Variants in MED13 observed in about 807,000 individuals in gnomAD.
The protein encoded by MED13 is mediator of RNA polymerase II transcription subunit 13.
MED13 carries 23 observed loss-of-function variants against 225.2 expected under a neutral mutation model. The ratio of observed to expected loss-of-function variants is 0.10; its 90% CI spans 0.07 to 0.14. MED13 has a LOEUF of 0.14. MED13 is among the 10% of genes least tolerant of loss of function. The probability of loss-of-function intolerance (pLI) is 1.00; values close to 1 mark genes in which losing one functional copy is unlikely to be tolerated. For synonymous variants in MED13, 942 were observed against 889.2 expected (o/e 1.06, Z -1.06); for missense variants, 2,197 against 2,594.5 (o/e 0.85, Z 3.33).
intron 9 of MED13, among the ~76,000 whole-genome samples, chr17:62,010,216 C>CCA (rs937586873): frequency 4.5e-5 from 4 of 89,670 alleles, no homozygotes; most frequent in African/African-American, 1.7e-4. Flanking sequence ...GACTCTGTCT[C>CCA]AAAAAAAAAA....
rs150718440 is a variant in MED13 at position 62,020,256 on chromosome 17, A to G, written c.1284-9023T>C. On this transcript the variant is annotated intron_variant, in intron 8 of 29. Transcript: ENST00000397786. Reference sequence around the variant, plus strand: ...CTTTTTTTTTTTATGAAGATTAAAGAAAACCTTTTATTGAGGTATAACTTA... The same window carrying G: ...CTTTTTTTTTTTATGAAGATTAAAGGAAACCTTTTATTGAGGTATAACTTA... Among the ~76,000 whole-genome samples, 473 of 152,280 alleles carry G rather than the reference A, an allele frequency of 3.1e-3. 2 individuals carry two copies. The highest frequency in any genetic ancestry group is 0.011 in the African/African-American group (462 of 41,554).
At chr17:62,037,666 C>CAAAAA (rs964038869) in intron 3 of MED13, among the ~76,000 whole-genome samples, 1 of 63,416 alleles carries the variant, frequency 1.6e-5, no homozygotes, top group Non-Finnish European at 3.2e-5. Context: ...GACTCCATCT[C>CAAAAA]AAAAAAAAAA....
At position 61,984,290 on chromosome 17, in the gene MED13, T is replaced by C. The variant is rs750715666; in HGVS notation, c.2769A>G (p.Leu923=). The C allele has an allele frequency of 1.2e-6, 2 of 1,610,820 alleles. No homozygotes were observed. The highest frequency in any genetic ancestry group is 2.2e-5 in the East Asian group (1 of 44,602). ...GCSMFAPLKT[L]PSQYLPPIKL... The stretch of plus-strand genomic sequence containing the variant: ...TGATAGGGGGCAGATATTGGCTTGG[T>C]AGAGTTTTTAGAGGTGCAAACATGG... Residue 923 remains leucine, a synonymous_variant, in exon 15 of 30, where the codon CTA becomes CTG. Transcript: ENST00000397786.
chr17:61,968,676 T>C (rs541368664), intron 17 of MED13, among the ~76,000 whole-genome samples: 54 of 152,266 alleles, frequency 3.5e-4, no homozygotes, highest in African/African-American at 1.3e-3. Context: ...AGTGAAAATA[T>C]TTTATTAGAG....
At chr17:62,044,216 C>T (rs1004368410) in intron 3 of MED13, among the ~76,000 whole-genome samples, 1 of 151,228 alleles carries the variant, frequency 6.6e-6, no homozygotes, top group Non-Finnish European at 1.5e-5. Flanking sequence ...AAAGCATATT[C>T]TTTCATTTAC....
intron 8 of MED13, among the ~76,000 whole-genome samples, chr17:62,020,685 C>CT (rs78598460): frequency 0.021 from 2,090 of 100,776 alleles, 30 homozygotes; most frequent in African/African-American, 0.041. Context: ...GGCCTGCTTT[C>CT]TTTTTTTTTT....
At chr17:62,001,044 G>A (rs1007964387) in intron 9 of MED13, among the ~76,000 whole-genome samples, 1 of 152,174 alleles carries the variant, frequency 6.6e-6, no homozygotes, top group Admixed American at 6.5e-5. Context: ...TTACAGGCGT[G>A]AGTCACTGCG....
chr17:61,971,641 A>G (rs2080110160), intron 17 of MED13, among the ~76,000 whole-genome samples: 2 of 152,124 alleles, frequency 1.3e-5, no homozygotes, highest in Non-Finnish European at 1.5e-5. Flanking sequence ...TTATACTAAA[A>G]TATATTTTCT....
intron 8 of MED13, among the ~76,000 whole-genome samples, chr17:62,015,763 GAT>G (rs2143610673): frequency 7.4e-6 from 1 of 135,956 alleles, no homozygotes; most frequent in African/African-American, 2.7e-5. Flanking sequence ...ATATAATATA[GAT>G]ATACACACAC....
At chr17:61,956,638 T>C (rs2079947557) in intron 23 of MED13, among the ~76,000 whole-genome samples, 157 bp from the exon 24 acceptor site, 1 of 151,906 alleles carries the variant, frequency 6.6e-6, no homozygotes, top group Non-Finnish European at 1.5e-5. Flanking sequence ...TTCACGGGTT[T>C]AAGTGATTCT....
At chr17:61,946,770 T>G (rs2079854701) in intron 29 of MED13, 147 bp downstream of exon 29, 2 of 1,067,514 alleles carry the variant, frequency 1.9e-6, no homozygotes, top group East Asian at 4.9e-5. Flanking sequence ...AAAAGTAGAT[T>G]ACTCAAGTTA....
chr17:61,983,439 GCTA>G (rs1302711673), intron 15 of MED13, among the ~76,000 whole-genome samples: 3 of 152,150 alleles, frequency 2.0e-5, no homozygotes, highest in Non-Finnish European at 4.4e-5. Context: ...ATTCTAAGAT[GCTA>G]CTGACTATAA....
intron 1 of MED13, among the ~76,000 whole-genome samples, chr17:62,064,749 C>G (rs980835235): frequency 6.6e-6 from 1 of 152,016 alleles, no homozygotes; most frequent in Non-Finnish European, 1.5e-5. Flanking sequence ...AAGGGTAAGA[C>G]ATAAAGGCGG....
At chr17:61,981,897 T>C (rs532333659) in intron 16 of MED13, among the ~76,000 whole-genome samples, 1 of 152,240 alleles carries the variant, frequency 6.6e-6, no homozygotes, top group Non-Finnish European at 1.5e-5. Flanking sequence ...AAATACTTAA[T>C]GAGTGAAAGA....
In MED13 at chr17:61,984,153, T is replaced by G. The variant is rs780571057; in HGVS notation, c.2888+18A>C. 2 of 1,489,860 alleles carry G rather than the reference T, an allele frequency of 1.3e-6. No homozygotes were observed. The highest frequency in any genetic ancestry group is 4.9e-5 in the East Asian group (2 of 40,526). The allele number at this position is 1,489,860 out of a possible 1,614,324, so 92.3% of individuals were successfully genotyped here. On this transcript the variant is annotated intron_variant, in intron 15 of 29. Transcript: ENST00000397786. ...CTGTATAAGCAGTCACATACTATTG[T>G]AACAACATAAATCATACCCCTCTTT... is the stretch of plus-strand genomic sequence containing the variant.
intron 23 of MED13, among the ~76,000 whole-genome samples, chr17:61,960,040 TA>T (rs1394804168): frequency 2.0e-5 from 3 of 152,088 alleles, no homozygotes; most frequent in African/African-American, 7.2e-5. Flanking sequence ...ACCCAAATCT[TA>T]AAACTAAAAA....
chr17:62,040,401 G>A (rs779198839), intron 3 of MED13, among the ~76,000 whole-genome samples: 20 of 152,026 alleles, frequency 1.3e-4, no homozygotes, highest in Admixed American at 7.9e-4. Flanking sequence ...ATCTTCCATC[G>A]TGGAAAAAAA....
chr17:61,962,052 C>T (rs1167948822), intron 21 of MED13, among the ~76,000 whole-genome samples: 1 of 152,048 alleles, frequency 6.6e-6, no homozygotes, highest in East Asian at 1.9e-4. Context: ...CTTTGGGAGG[C>T]CGAGGTGGGC....
chr17:62,013,535 T>A (rs2080531839), intron 8 of MED13, among the ~76,000 whole-genome samples: 1 of 151,382 alleles, frequency 6.6e-6, no homozygotes, highest in South Asian at 2.1e-4. Flanking sequence ...ATTTGCTTGA[T>A]CTGATGGATA....
Sources: allele counts gnomAD v4.1 joint callset (sites outside exome capture counted in the v4.1 genomes callset), GRCh38; gene constraint gnomAD v4.1.1; transcripts MANE v1.5; gene names NCBI Gene and HGNC (gene_info 2026-07-23, HGNC 2026-07-21).